Variants in ZNF845 observed in about 807,000 individuals in gnomAD.
The protein encoded by ZNF845 is zinc finger protein 845.
ZNF845 carries 59 observed loss-of-function variants against 76.1 expected under a neutral mutation model. That is an observed-to-expected ratio of 0.78 (90% CI 0.63 to 0.96). The LOEUF (loss-of-function observed/expected upper bound fraction) is 0.96, where lower values mean the gene tolerates loss of function less well. ZNF845 is among the 40% of genes least tolerant of loss of function. ZNF845 has a pLI of 0.00. For missense variants in ZNF845, 1,045 were observed against 1,172.8 expected, an observed-to-expected ratio of 0.89 and a Z score of 1.59; for synonymous variants, 361 against 386.9, an observed-to-expected ratio of 0.93 and a Z score of 0.78.
intron 1 of ZNF845, among the ~76,000 whole-genome samples, chr19:53,334,277 C>T (rs2085197192): frequency 6.6e-6 from 1 of 152,140 alleles, no homozygotes; most frequent in Non-Finnish European, 1.5e-5. Flanking sequence ...TCTTGCCTGC[C>T]CTGCACCAGC....
chr19:53,345,410 C>A, intron 2 of ZNF845, 96 bp from the exon 3 acceptor site: 1 of 1,601,572 alleles, frequency 6.2e-7, no homozygotes, highest in South Asian at 1.1e-5. Flanking sequence ...ACATTCACTA[C>A]AATTAAATCC....
rs10420503 is a variant in ZNF845, at chr19:53,355,219, T to A, written c.*1631T>A. On this transcript the variant is annotated 3_prime_UTR_variant, in exon 4 of 4. Coordinates refer to ENST00000458035, the MANE Select transcript of ZNF845 (RefSeq NM_138374.3). ...GAGCCACCGCACCCAGCCAGTGATT[T>A]TCTATATAGAATGTCGTATCATCTA... 50,798 of 151,822 alleles carry A rather than the reference T, an allele frequency of 0.33. 8,892 individuals carry two copies. The highest frequency in any genetic ancestry group is 0.48 in the East Asian group (2,487 of 5,150). 9.4% of individuals were successfully genotyped at this position (151,822 alleles called of 1,614,324 possible).
intron 3 of ZNF845, among the ~76,000 whole-genome samples, chr19:53,346,063 G>A (rs1405871274): frequency 6.6e-6 from 1 of 151,934 alleles, no homozygotes; most frequent in Middle Eastern, 3.2e-3. Context: ...GTTTATATGA[G>A]TTTTCTTTGG....
intron 1 of ZNF845, 93 bp downstream of exon 1, chr19:53,333,885 T>C (rs2085193524): frequency 6.4e-6 from 1 of 155,814 alleles, no homozygotes; most frequent in Non-Finnish European, 1.4e-5. Flanking sequence ...ACCTGGAAAT[T>C]CTCACCCGTG....
intron 1 of ZNF845, among the ~76,000 whole-genome samples, chr19:53,337,325 C>T (rs2085222650): frequency 1.4e-5 from 2 of 147,714 alleles, no homozygotes; most frequent in South Asian, 2.3e-4. Context: ...CAGTCTCTAT[C>T]ACGTTACTCA....
Position 53,352,720 on chromosome 19 carries a change from G to C in ZNF845, c.2045G>C (p.Arg682Pro). ...FSRKSYLTCHRRLHTGEKPYK... is the reference protein window; with the variant it reads ...FSRKSYLTCHPRLHTGEKPYK... ...CGGAAGTCATACCTTACATGCCATC[G>C]TAGACTTCATACTGGAGAGAAACCT... The change falls in exon 4 of 4, where the codon CGT becomes CCT. Residue 682 changes from arginine to proline, a missense_variant. Transcript: ENST00000458035. The C allele has an allele frequency of 6.2e-7, 1 of 1,613,560 alleles. No individual in the cohort carries two copies. The highest frequency in any genetic ancestry group is 8.5e-7 in the Non-Finnish European group (1 of 1,179,884).
In ZNF845 at chr19:53,351,826, A is replaced by T; in HGVS notation, c.1151A>T (p.Lys384Met). 6.2e-7 allele frequency: 1 copy of T among 1,613,860 alleles called. No individual in the cohort carries two copies. Among genetic ancestry groups the T allele is most frequent in the Non-Finnish European group, 8.5e-7 (1 of 1,179,982 alleles). Reference protein sequence around the residue: ...RKIHTGEKPYKCNECSRTFSR... With the variant: ...RKIHTGEKPYMCNECSRTFSR... ...ATTCATACTGGAGAGAAACCTTACAAGTGTAATGAATGCAGCAGGACCTTT... is the reference window on the plus strand; with the variant it reads ...ATTCATACTGGAGAGAAACCTTACATGTGTAATGAATGCAGCAGGACCTTT... Residue 384 changes from lysine (K) to methionine (M), a missense_variant, in exon 4 of 4, where the codon AAG becomes ATG. Physicochemically the swap from Lys to Met is moderately conservative, Grantham distance 95. Transcript: ENST00000458035.
At chr19:53,347,303 G>A (rs1334496936) in intron 3 of ZNF845, among the ~76,000 whole-genome samples, 3 of 150,100 alleles carry the variant, frequency 2.0e-5, no homozygotes, top group Non-Finnish European at 4.4e-5. Context: ...TCTTGAGAAG[G>A]AGTCTGTCTG....
At chr19:53,338,262 C>T (rs1300718885) in intron 1 of ZNF845, among the ~76,000 whole-genome samples, 1 of 152,176 alleles carries the variant, frequency 6.6e-6, no homozygotes, top group Non-Finnish European at 1.5e-5. Flanking sequence ...GAAGGCCTCA[C>T]TAAGGTCAGA....
In ZNF845 at chr19:53,354,409, G is replaced by A. The variant is rs193296112; in HGVS notation, c.*821G>A. ...GATTGGGCCAGGCGGGGTGGCTCAC[G>A]CCTGTAATCCCAGCACTTTGGGAGG... On this transcript the variant is annotated 3_prime_UTR_variant, in exon 4 of 4. Coordinates refer to ENST00000458035, the MANE Select transcript of ZNF845 (RefSeq NM_138374.3). The A allele has an allele frequency of 3.2e-3, 861 of 265,346 alleles. 9 individuals are homozygous for A. Among genetic ancestry groups the A allele is most frequent in the African/African-American group, 0.018 (766 of 42,940 alleles). 16.4% of individuals were successfully genotyped at this position (265,346 alleles called of 1,614,324 possible). A position where few individuals can be genotyped will look rare whatever the true frequency, so the allele number is the denominator to read the frequency against.
intron 2 of ZNF845, among the ~76,000 whole-genome samples, chr19:53,345,077 C>T (rs1014769212): frequency 1.3e-5 from 2 of 152,036 alleles, no homozygotes; most frequent in African/African-American, 2.4e-5. Context: ...CAGCACTTTG[C>T]GAGGCCGAGG....
In ZNF845 at chr19:53,354,121, G is replaced by GT. The variant is rs2085367023; in HGVS notation, c.*535dup. ...GATTGCAGCAAAGCCTTTACTTCAC[G>GT]TTCACACCTAATTAGACATCAGAGA... On this transcript the variant is annotated 3_prime_UTR_variant, in exon 4 of 4. Transcript: ENST00000458035. 1.7e-6 allele frequency: 1 copy of GT among 579,242 alleles called. No homozygotes were observed. The highest frequency in any genetic ancestry group is 3.2e-6 in the Non-Finnish European group (1 of 313,338). The allele number at this position is 579,242 out of a possible 1,614,324, so 35.9% of individuals were successfully genotyped here. A position where few individuals can be genotyped will look rare whatever the true frequency, so the allele number is the denominator to read the frequency against.
rs2085381367 is a variant in ZNF845, at chr19:53,355,704, G to A, written c.*2116G>A. 6.6e-6 allele frequency: 1 copy of A among 152,146 alleles called. No individual in the cohort carries two copies. The highest frequency in any genetic ancestry group is 6.5e-5 in the Admixed American group (1 of 15,268). 9.4% of individuals were successfully genotyped at this position (152,146 alleles called of 1,614,324 possible). ...AGTATTTATTGAATATCAGGGGTGA[G>A]AGCATTCTTGCATCATGTGATATCC... On this transcript the variant is annotated 3_prime_UTR_variant, in exon 4 of 4. Coordinates refer to ENST00000458035, the MANE Select transcript of ZNF845 (RefSeq NM_138374.3).
Position 53,352,756 on chromosome 19 carries a change from A to T in ZNF845, c.2081A>T (p.Asn694Ile), listed in dbSNP as rs769610189. The stretch of plus-strand genomic sequence containing the variant: ...ACTGGAGAGAAACCTTACAAGTGTA[A>T]TGAGTGTGGCAAGACCTTCGGTCGA... ...LHTGEKPYKC[N>I]ECGKTFGRNS... Residue 694 changes from asparagine (N) to isoleucine (I), a missense_variant, in exon 4 of 4, where the codon AAT becomes ATT. Asn to Ile is a moderately radical substitution (Grantham distance 149). Transcript: ENST00000458035. 1 of 1,614,044 alleles carries T rather than the reference A, an allele frequency of 6.2e-7. No individual in the cohort carries two copies. Among genetic ancestry groups the T allele is most frequent in the African/African-American group, 1.3e-5 (1 of 74,922 alleles).
rs1218199320 is a variant in ZNF845, at chr19:53,351,478, A to G, written c.803A>G (p.Lys268Arg). Residue 268 changes from lysine to arginine, a missense_variant, in exon 4 of 4, where the codon AAG becomes AGG. Coordinates refer to ENST00000458035, the MANE Select transcript of ZNF845 (RefSeq NM_138374.3). Reference sequence around the variant, plus strand: ...TGTCATCGTAGATGTCACACTGGCAAGAAACCTTACAAGTGTAATGATTGT... The same window carrying G: ...TGTCATCGTAGATGTCACACTGGCAGGAAACCTTACAAGTGTAATGATTGT... ...LACHRRCHTG[K>R]KPYKCNDCGK... 2 of 1,614,246 alleles carry G rather than the reference A, an allele frequency of 1.2e-6. No homozygotes were observed. Among genetic ancestry groups the G allele is most frequent in the African/African-American group, 1.3e-5 (1 of 75,076 alleles).
chr19:53,342,204 TC>T lies in ZNF845; in HGVS notation c.15+885del, dbSNP rs1427662914. 5.9e-5 allele frequency among the ~76,000 whole-genome samples: 9 copies of T among 151,968 alleles called. No homozygotes were observed. In the East Asian group the frequency reaches 1.7e-3, roughly 29 times the overall value. On this transcript the variant is annotated intron_variant, in intron 2 of 3. Transcript: ENST00000458035. ...ATCTTGGCTCACGGCAACCTCCACC[TC>T]CCGGGTTCAAGAGATTCTCCTGCCT...
At chr19:53,335,903 T>C (rs1483716820) in intron 1 of ZNF845, among the ~76,000 whole-genome samples, 1 of 151,974 alleles carries the variant, frequency 6.6e-6, no homozygotes, top group African/African-American at 2.4e-5. Context: ...GCCTGGCCCA[T>C]AGTACTTTTT....
rs773567389 is a variant in ZNF845, at chr19:53,351,211, G to T, written c.536G>T (p.Arg179Ile). The T allele has an allele frequency of 3.1e-6, 5 of 1,614,186 alleles. No homozygotes were observed. The highest frequency in any genetic ancestry group is 4.2e-6 in the Non-Finnish European group (5 of 1,180,018). The change falls in exon 4 of 4, where the codon AGA becomes ATA. Residue 179 changes from arginine to isoleucine, a missense_variant. Physicochemically the swap from Arg to Ile is moderately conservative, Grantham distance 97. Transcript: ENST00000458035. The stretch of plus-strand genomic sequence containing the variant: ...GCTTCGTTGGTTTCAACATCCCAAA[G>T]AATTTCTTGTAGGCCTAAAACCCAC... ...NSASLVSTSQ[R>I]ISCRPKTHIS...
In ZNF845 at chr19:53,351,736, C is replaced by G; in HGVS notation, c.1061C>G (p.Pro354Arg). 2.5e-6 allele frequency: 4 copies of G among 1,614,008 alleles called. No homozygotes were observed. The highest frequency in any genetic ancestry group is 1.7e-6 in the Non-Finnish European group (2 of 1,179,952). The change falls in exon 4 of 4, where the codon CCT becomes CGT. Residue 354 changes from proline to arginine, a missense_variant. Coordinates refer to ENST00000458035, the MANE Select transcript of ZNF845 (RefSeq NM_138374.3). ...CGTAGACTTCATACTGGAGAGAAAC[C>G]TTACAAATGTGAAGAATGTGACAAA... ...YHRRLHTGEK[P>R]YKCEECDKAF...
Sources: allele counts gnomAD v4.1 joint callset (sites outside exome capture counted in the v4.1 genomes callset), GRCh38; gene constraint gnomAD v4.1.1; transcripts MANE v1.5; gene names NCBI Gene and HGNC (gene_info 2026-07-23, HGNC 2026-07-21).